OC90: variants seen among roughly 807,000 people sequenced by gnomAD.
OC90 encodes otoconin 90, also known as otoconin-90.
Under a neutral mutation model 47.3 loss-of-function variants are expected in OC90, and 46 were observed. The observed-to-expected ratio is 0.97, with a 90% CI of 0.77 to 1.24. The LOEUF (loss-of-function observed/expected upper bound fraction) is 1.24. OC90 is among the 50% of genes most tolerant of loss of function. OC90 has a pLI of 0.00. For missense variants in OC90, 688 were observed against 583.9 expected, an observed-to-expected ratio of 1.18 and a Z score of -1.84; for synonymous variants, 271 against 219.5, an observed-to-expected ratio of 1.23 and a Z score of -2.07.
intron 12 of OC90, among the ~76,000 whole-genome samples, 155 bp downstream of exon 12, chr8:132,031,726 T>A (rs1822877405): frequency 6.6e-6 from 1 of 152,164 alleles, no homozygotes; most frequent in Non-Finnish European, 1.5e-5. Context: ...AGTGGGCCTA[T>A]GATGCTGTAG....
At chr8:132,051,877 TC>T (rs1823215405) in intron 2 of OC90, among the ~76,000 whole-genome samples, 2 of 152,224 alleles carry the variant, frequency 1.3e-5, no homozygotes, top group Non-Finnish European at 2.9e-5. Flanking sequence ...GAAAGGAGTC[TC>T]ACCATTTTTA....
At position 132,045,821 on chromosome 8, in the gene OC90, T is replaced by C; in HGVS notation, c.109A>G (p.Ile37Val). Residue 37 changes from isoleucine (I) to valine (V), a missense_variant, in exon 3 of 14, where the codon ATC becomes GTC. Ile to Val is a conservative substitution (Grantham distance 29). Coordinates refer to ENST00000254627, the MANE Select transcript of OC90 (RefSeq NM_001080399.3). ...GAAAAGTTCTAAGAATCCTTACTGA[T>C]ATTGTTTGGGAGTCCTGGAGGCAGC... ...QELPPGLPNN[I>V]NITFFSGMFK... The C allele has an allele frequency of 3.9e-6, 6 of 1,527,504 alleles. No individual in the cohort carries two copies. The highest frequency in any genetic ancestry group is 5.3e-6 in the Non-Finnish European group (6 of 1,124,976). The allele number at this position is 1,527,504 out of a possible 1,614,324, so 94.6% of individuals were successfully genotyped here. A position where few individuals can be genotyped will look rare whatever the true frequency, so the allele number is the denominator to read the frequency against.
chr8:132,039,197 C>T (rs915710940), intron 6 of OC90, 74 bp from the exon 7 acceptor site: 1 of 1,494,334 alleles, frequency 6.7e-7, no homozygotes, highest in Non-Finnish European at 9.1e-7. Flanking sequence ...AGCTCCAAGA[C>T]TGAGTTCCTC....
At chr8:132,049,535 G>A (rs916151308) in intron 2 of OC90, among the ~76,000 whole-genome samples, 2 of 152,210 alleles carry the variant, frequency 1.3e-5, no homozygotes, top group Non-Finnish European at 2.9e-5. Flanking sequence ...AGGAAGGAGT[G>A]TTGATCTTAT....
At position 132,024,675 on chromosome 8, in the gene OC90, T is replaced by A. The variant is rs762671606; in HGVS notation, c.1240A>T (p.Ser414Cys). 1.2e-6 allele frequency: 2 copies of A among 1,613,506 alleles called. No homozygotes were observed. Among genetic ancestry groups the A allele is most frequent in the Non-Finnish European group, 1.7e-6 (2 of 1,179,792 alleles). Residue 414 changes from serine (S) to cysteine (C), a missense_variant, in exon 14 of 14, where the codon AGC becomes TGC. Coordinates refer to ENST00000254627, the MANE Select transcript of OC90 (RefSeq NM_001080399.3). ...ASFNQSLKSPSRLGCPGQPAA... is the reference protein window; with the variant it reads ...ASFNQSLKSPCRLGCPGQPAA... ...GGCTGCCCAGGGCACCCGAGTCTGC[T>A]TGGGGACTTGAGGCTTTGGTTAAAG...
chr8:132,025,478 A>G (rs1822742962), intron 13 of OC90, among the ~76,000 whole-genome samples: 2 of 152,186 alleles, frequency 1.3e-5, no homozygotes, highest in Non-Finnish European at 2.9e-5. Context: ...AATTGCCCTA[A>G]CAGAGTATGC....
chr8:132,032,408 T>C (rs1472234506), intron 11 of OC90, among the ~76,000 whole-genome samples: 1 of 152,136 alleles, frequency 6.6e-6, no homozygotes, highest in Non-Finnish European at 1.5e-5. Context: ...TGAACTCTCA[T>C]GGTTTCTGGT....
In OC90 at chr8:132,054,961, T is replaced by G. The variant is rs1372841610; in HGVS notation, c.46+20A>C. 6.5e-7 allele frequency: 1 copy of G among 1,533,486 alleles called. No homozygotes were observed. Among genetic ancestry groups the G allele is most frequent in the Admixed American group, 2.0e-5 (1 of 49,320 alleles). The allele number at this position is 1,533,486 out of a possible 1,614,324, so 95.0% of individuals were successfully genotyped here. On this transcript the variant is annotated intron_variant, in intron 2 of 13. Coordinates refer to ENST00000254627, the MANE Select transcript of OC90 (RefSeq NM_001080399.3). ...ATTACATGCTAAGCTGGAACTATGG[T>G]GTAAGATATCATTACTCACCGGCAT...
intron 2 of OC90, among the ~76,000 whole-genome samples, chr8:132,050,583 C>A (rs985665190): frequency 1.3e-5 from 2 of 152,170 alleles, no homozygotes; most frequent in Non-Finnish European, 2.9e-5. Flanking sequence ...TTCCTACATG[C>A]CGGCTGTGAG....
intron 13 of OC90, 30 bp downstream of exon 13, chr8:132,029,043 A>G (rs1822831980): frequency 1.3e-6 from 2 of 1,488,114 alleles, no homozygotes; most frequent in Admixed American, 3.3e-5. Context: ...CAATGAAATA[A>G]TAACTCAATG....
intron 1 of OC90, among the ~76,000 whole-genome samples, chr8:132,057,573 C>G (rs770961817): frequency 6.6e-6 from 1 of 152,140 alleles, no homozygotes; most frequent in Non-Finnish European, 1.5e-5. Flanking sequence ...TGGACAGTGG[C>G]GTGATTGCAT....
At chr8:132,051,810 C>A (rs1181265571) in intron 2 of OC90, among the ~76,000 whole-genome samples, 1 of 152,052 alleles carries the variant, frequency 6.6e-6, no homozygotes, top group African/African-American at 2.4e-5. Context: ...CTGTGGAGAA[C>A]CAGAGAGACC....
chr8:132,046,648 A>G (rs959680589), intron 2 of OC90, among the ~76,000 whole-genome samples: 2 of 152,222 alleles, frequency 1.3e-5, no homozygotes, highest in African/African-American at 4.8e-5. Context: ...CTAAAAGTTC[A>G]GAGAGCTTAT....
At chr8:132,052,127 C>T (rs1823219623) in intron 2 of OC90, among the ~76,000 whole-genome samples, 1 of 152,060 alleles carries the variant, frequency 6.6e-6, no homozygotes, top group Non-Finnish European at 1.5e-5. Context: ...CAGTGCCAGC[C>T]ATGTATTCCC....
In OC90 at chr8:132,024,355, C is replaced by A; in HGVS notation, c.*126G>T. The A allele has an allele frequency of 1.3e-6, 1 of 772,264 alleles. No homozygotes were observed. The highest frequency in any genetic ancestry group is 2.0e-6 in the Non-Finnish European group (1 of 500,434). The allele number at this position is 772,264 out of a possible 1,614,324, so 47.8% of individuals were successfully genotyped here. On this transcript the variant is annotated 3_prime_UTR_variant, in exon 14 of 14. Transcript: ENST00000254627. ...ATGGGCAGGGCTCACGGCCTCTGTT[C>A]CCTCCCCGCCTCTGAGTTAAAGGAA...
chr8:132,028,798 G>GGAGA (rs1822824746), intron 13 of OC90, among the ~76,000 whole-genome samples: 1 of 34,468 alleles, frequency 2.9e-5, no homozygotes, highest in Admixed American at 4.4e-4. Context: ...GAAAGAAGAA[G>GGAGA]GAAAGAAAGA....
chr8:132,043,799 G>A (rs1823092277), intron 4 of OC90, among the ~76,000 whole-genome samples: 1 of 152,186 alleles, frequency 6.6e-6, no homozygotes, highest in South Asian at 2.1e-4. Context: ...AAACTTACAA[G>A]GCACCTGCAC....
chr8:132,041,518 C>T lies in OC90; in HGVS notation c.344+7G>A, dbSNP rs199663917. On this transcript the variant is annotated splice_region_variant and intron_variant, in intron 5 of 13. Transcript: ENST00000254627. ...TTTGGTCTTGCTCACCTGTGGAACT[C>T]ACTTACCTGTCAGATTCATCCACAG... 1.2e-4 allele frequency: 194 copies of T among 1,607,762 alleles called. No individual in the cohort carries two copies. The African/African-American group carries it at 2.3e-3, about 19-fold the overall frequency.
At position 132,033,143 on chromosome 8, in the gene OC90, G is replaced by T. The variant is rs1181776816; in HGVS notation, c.755C>A (p.Thr252Lys). 2 of 1,606,600 alleles carry T rather than the reference G, an allele frequency of 1.2e-6. No individual in the cohort carries two copies. The highest frequency in any genetic ancestry group is 2.2e-5 in the East Asian group (1 of 44,756). ...SPPGSAEIVATRVTAKIVTLV... is the reference protein window; with the variant it reads ...SPPGSAEIVAKRVTAKIVTLV... ...GGTTACAATTTTAGCTGTAACCCTT[G>T]TTGCAACTATCTCTGCAGATCCTGA... The change falls in exon 11 of 14, where the codon ACA becomes AAA. Residue 252 changes from threonine (T) to lysine (K), a missense_variant. Transcript: ENST00000254627.
Sources: gnomAD v4.1 joint callset for allele counts (sites outside exome capture counted in the v4.1 genomes callset) on GRCh38, gnomAD v4.1.1 for gene constraint, MANE v1.5 for transcripts, NCBI Gene and HGNC (gene_info 2026-07-23, HGNC 2026-07-21) for gene names.